SCAI: variants seen among roughly 807,000 people sequenced by gnomAD.
SCAI encodes suppressor of cancer cell invasion.
A neutral mutation model predicts 92.2 loss-of-function variants in SCAI; 24 were observed. The observed-to-expected ratio is 0.26, with a 90% CI of 0.19 to 0.37. SCAI has a LOEUF of 0.37. SCAI is among the 10% of genes least tolerant of loss of function. The pLI is 1.00. For missense variants in SCAI, 450 were observed against 736.2 expected (o/e 0.61, Z 4.50); for synonymous variants, 261 against 258.6 (o/e 1.01, Z -0.09).
intron 2 of SCAI, among the ~76,000 whole-genome samples, chr9:125,106,177 T>A (rs116590974): frequency 0.025 from 2,709 of 108,454 alleles, 133 homozygotes; most frequent in African/African-American, 0.09. Context: ...ATTTAGCCAA[T>A]AAGATCTTAT....
At chr9:125,086,607 T>A (rs1156754753) in intron 2 of SCAI, among the ~76,000 whole-genome samples, 1 of 152,230 alleles carries the variant, frequency 6.6e-6, no homozygotes, top group Non-Finnish European at 1.5e-5. Flanking sequence ...TTCCAAAGCC[T>A]TAGCCAGACT....
intron 6 of SCAI, among the ~76,000 whole-genome samples, chr9:125,021,957 C>T (rs545809234): frequency 6.6e-6 from 1 of 152,188 alleles, no homozygotes; most frequent in South Asian, 2.1e-4. Flanking sequence ...AGACAACACA[C>T]ACTTTATTGA....
chr9:124,959,479 TATATAC>T (rs1347457103), intron 17 of SCAI, among the ~76,000 whole-genome samples: 4 of 106,250 alleles, frequency 3.8e-5, no homozygotes, highest in Admixed American at 1.0e-4. Flanking sequence ...TATATATATA[TATATAC>T]ACACACACAT....
chr9:125,052,369 T>C (rs1833576994), intron 3 of SCAI, among the ~76,000 whole-genome samples: 1 of 151,576 alleles, frequency 6.6e-6, no homozygotes. Flanking sequence ...TCAGGAGTTC[T>C]AGACCAGCCT....
intron 2 of SCAI, among the ~76,000 whole-genome samples, chr9:125,121,233 C>T (rs1163694519): frequency 1.3e-5 from 2 of 149,634 alleles, no homozygotes; most frequent in Admixed American, 6.8e-5. Context: ...AAAAGCTAAG[C>T]CACCTGCATC....
chr9:125,074,525 T>C (rs1588199957), intron 2 of SCAI, among the ~76,000 whole-genome samples: 1 of 150,068 alleles, frequency 6.7e-6, no homozygotes, highest in East Asian at 2.1e-4. Context: ...CCCAAAGTGT[T>C]TGGATTACAC....
intron 9 of SCAI, among the ~76,000 whole-genome samples, chr9:125,015,191 T>C (rs1463514914): frequency 6.6e-6 from 1 of 152,074 alleles, no homozygotes; most frequent in Non-Finnish European, 1.5e-5. Flanking sequence ...TGGGATCTAA[T>C]TAAACTAAAG....
intron 3 of SCAI, among the ~76,000 whole-genome samples, chr9:125,033,552 G>A (rs1346485732): frequency 6.6e-6 from 1 of 152,122 alleles, no homozygotes; most frequent in Non-Finnish European, 1.5e-5. Flanking sequence ...AGTCTTTCTG[G>A]TCTTTCTATG....
chr9:124,978,241 G>GACCA (rs1389716568), intron 14 of SCAI, among the ~76,000 whole-genome samples: 1 of 152,162 alleles, frequency 6.6e-6, no homozygotes, highest in African/African-American at 2.4e-5. Flanking sequence ...CAGGAGTGGA[G>GACCA]ACCAGCCTGG....
chr9:124,963,676 G>A (rs921916797), intron 17 of SCAI, among the ~76,000 whole-genome samples: 7 of 149,630 alleles, frequency 4.7e-5, no homozygotes, highest in African/African-American at 4.9e-5. Context: ...CTTGAACCCC[G>A]GAGGTGCAGG....
At position 125,037,920 on chromosome 9, in the gene SCAI, A is replaced by G. The variant is rs570616859; in HGVS notation, c.231-8181T>C. On this transcript the variant is annotated intron_variant, in intron 3 of 17. Transcript: ENST00000336505. ...GACGAGAGTGAAACTCCATCTCAGG[A>G]AAAAAAAAAGAATTACTTGTGCCCA... Among the ~76,000 whole-genome samples, 11 of 149,470 alleles carry G rather than the reference A, an allele frequency of 7.4e-5. No individual in the cohort carries two copies. In the South Asian group the frequency reaches 2.3e-3, roughly 32 times the overall value.
At chr9:125,136,755 G>A (rs147577448) in intron 2 of SCAI, among the ~76,000 whole-genome samples, 85 of 148,954 alleles carry the variant, frequency 5.7e-4, no homozygotes, top group African/African-American at 1.7e-3. Flanking sequence ...CAGCATGCCC[G>A]GCAACTAATA....
At chr9:125,092,131 TAA>T (rs71374225) in intron 2 of SCAI, among the ~76,000 whole-genome samples, 18 of 61,118 alleles carry the variant, frequency 2.9e-4, no homozygotes, top group South Asian at 1.2e-3. Context: ...CTCCGTCTCT[TAA>T]AAAAAAAAAA....
intron 2 of SCAI, among the ~76,000 whole-genome samples, chr9:125,119,094 C>T (rs566296936): frequency 6.6e-6 from 1 of 152,216 alleles, no homozygotes; most frequent in South Asian, 2.1e-4. Flanking sequence ...TTACCTAAGC[C>T]CACAAATTGA....
intron 2 of SCAI, among the ~76,000 whole-genome samples, chr9:125,068,881 G>A (rs1161594367): frequency 6.6e-6 from 1 of 151,964 alleles, no homozygotes; most frequent in Non-Finnish European, 1.5e-5. Flanking sequence ...TAAACAGGCA[G>A]AGAAAAGAAA....
intron 9 of SCAI, among the ~76,000 whole-genome samples, chr9:125,012,789 C>T (rs1832667506): frequency 6.6e-6 from 1 of 152,144 alleles, no homozygotes; most frequent in South Asian, 2.1e-4. Flanking sequence ...GTAAAGCTCT[C>T]CTCAGCAAAC....
chr9:124,999,710 T>C (rs1357894419), intron 13 of SCAI, among the ~76,000 whole-genome samples, 181 bp downstream of exon 13: 3 of 152,194 alleles, frequency 2.0e-5, no homozygotes, highest in Non-Finnish European at 4.4e-5. Flanking sequence ...TCTAATTTCC[T>C]AGGATAGACA....
intron 14 of SCAI, among the ~76,000 whole-genome samples, chr9:124,987,820 G>A (rs548369609): frequency 4.6e-5 from 7 of 151,958 alleles, no homozygotes; most frequent in East Asian, 1.9e-4. Flanking sequence ...AAAATTAGCC[G>A]GGTGTGGTGG....
intron 12 of SCAI, among the ~76,000 whole-genome samples, chr9:125,001,203 C>G (rs1832354530): frequency 6.6e-6 from 1 of 152,126 alleles, no homozygotes. Flanking sequence ...TTAAGAGAAT[C>G]TGGAGGTCAT....
Sources: gnomAD v4.1 joint callset for allele counts (sites outside exome capture counted in the v4.1 genomes callset) on GRCh38, gnomAD v4.1.1 for gene constraint, MANE v1.5 for transcripts, NCBI Gene and HGNC (gene_info 2026-07-23, HGNC 2026-07-21) for gene names.